PTBP3: variants seen among roughly 807,000 people sequenced by gnomAD.
PTBP3 encodes the protein polypyrimidine tract binding protein 3.
In PTBP3, 20 loss-of-function variants were observed where a neutral mutation model predicts 58.7. The ratio of observed to expected loss-of-function variants is 0.34; its 90% CI spans 0.24 to 0.50. The LOEUF is 0.50. Ranked by LOEUF, PTBP3 falls within the 20% of genes least tolerant of loss-of-function variation. PTBP3 has a pLI of 0.98. For missense variants in PTBP3, 509 were observed against 637.2 expected (o/e 0.80, Z 2.17); for synonymous variants, 185 against 219.8 (o/e 0.84, Z 1.40).
At chr9:112,274,388 A>G (rs1199384523) in intron 3 of PTBP3, among the ~76,000 whole-genome samples, 1 of 152,242 alleles carries the variant, frequency 6.6e-6, no homozygotes, top group Admixed American at 6.5e-5. Context: ...ATGTACTACA[A>G]AATACCTAGG....
At chr9:112,302,458 C>T (rs1016002314) in intron 1 of PTBP3, among the ~76,000 whole-genome samples, 4 of 151,892 alleles carry the variant, frequency 2.6e-5, no homozygotes, top group Non-Finnish European at 5.9e-5. Context: ...AAGAAATGTA[C>T]AGGAAAGCAC....
chr9:112,234,652 A>T (rs1256335553), intron 8 of PTBP3, among the ~76,000 whole-genome samples, 168 bp downstream of exon 8: 1 of 152,230 alleles, frequency 6.6e-6, no homozygotes, highest in Non-Finnish European at 1.5e-5. Flanking sequence ...ATAATTTGTA[A>T]ATAACAAGGA....
chr9:112,305,659 A>G (rs4979098), intron 1 of PTBP3, among the ~76,000 whole-genome samples: 129,204 of 152,180 alleles, frequency 0.85, 55,276 homozygotes, highest in African/African-American at 0.95. Context: ...AAGAGCTTTC[A>G]GCCGGGCACG....
chr9:112,304,610 C>T (rs1295531849), intron 1 of PTBP3, among the ~76,000 whole-genome samples: 2 of 152,144 alleles, frequency 1.3e-5, no homozygotes, highest in Non-Finnish European at 2.9e-5. Flanking sequence ...TCTGTCACTC[C>T]GGCTGGACTG....
At chr9:112,314,296 A>C (rs573613504) in intron 1 of PTBP3, among the ~76,000 whole-genome samples, 2 of 152,372 alleles carry the variant, frequency 1.3e-5, no homozygotes, top group African/African-American at 4.8e-5. Context: ...TATTACTGAG[A>C]TAAAAATGTA....
At position 112,333,475 on chromosome 9, in the gene PTBP3, C is replaced by T. The variant is rs1830472658; in HGVS notation, c.-57G>A. ...CCGCGCCGCCTAGTACTTACCCATC[C>T]ATGGCCCAGATGGAGGCGCGCACAG... On this transcript the variant is annotated 5_prime_UTR_variant, in exon 1 of 14. An upstream start codon of the reference 5' UTR is lost. Coordinates refer to ENST00000374257, the MANE Select transcript of PTBP3 (RefSeq NM_001163788.4). 1.3e-6 allele frequency: 2 copies of T among 1,590,648 alleles called. No homozygotes were observed. The highest frequency in any genetic ancestry group is 1.1e-5 in the South Asian group (1 of 88,528).
chr9:112,302,334 G>C (rs191476075), intron 1 of PTBP3, among the ~76,000 whole-genome samples: 1 of 152,238 alleles, frequency 6.6e-6, no homozygotes, highest in African/African-American at 2.4e-5. Context: ...GCAGTATCTT[G>C]AAAGTCAAAC....
At position 112,222,688 on chromosome 9, in the gene PTBP3, C is replaced by T; in HGVS notation, c.*1163G>A. On this transcript the variant is annotated 3_prime_UTR_variant, in exon 14 of 14. Coordinates refer to ENST00000374257, the MANE Select transcript of PTBP3 (RefSeq NM_001163788.4). ...AATTGCAATGAAAAAAATTTTAAAT[C>T]CTTACCAAAACAGAGAAAGAAAAAA... 9.2e-6 allele frequency: 9 copies of T among 983,014 alleles called. No individual in the cohort carries two copies. Among genetic ancestry groups the T allele is most frequent in the Non-Finnish European group, 1.1e-5 (9 of 827,384 alleles). 60.9% of individuals were successfully genotyped at this position (983,014 alleles called of 1,614,324 possible).
At chr9:112,294,480 TG>T (rs1338979318) in intron 2 of PTBP3, among the ~76,000 whole-genome samples, 5 of 152,194 alleles carry the variant, frequency 3.3e-5, no homozygotes, top group African/African-American at 1.2e-4. Context: ...TTTGTGCCAC[TG>T]GACTCCAGGC....
chr9:112,300,406 CAAT>C (rs756640337), intron 1 of PTBP3, among the ~76,000 whole-genome samples: 16 of 152,212 alleles, frequency 1.1e-4, no homozygotes, highest in Admixed American at 4.6e-4. Context: ...GACTATACAA[CAAT>C]GAGAATGAAC....
the PTBP3 span, among the ~76,000 whole-genome samples, chr9:112,351,134 T>G: frequency 6.6e-6 from 1 of 152,196 alleles, no homozygotes; most frequent in Non-Finnish European, 1.5e-5. Flanking sequence ...TTTATTAAGA[T>G]TGGATTCATT....
In PTBP3 at chr9:112,219,912, T is replaced by C. The variant is rs1427181855; in HGVS notation, c.*3939A>G. ...TGCTCTGAAAAAAGACTGCTAATAG[T>C]CTTGTAGATAACAACACAACTCTTT... On this transcript the variant is annotated 3_prime_UTR_variant, in exon 14 of 14. Coordinates refer to ENST00000374257, the MANE Select transcript of PTBP3 (RefSeq NM_001163788.4). The C allele has an allele frequency of 7.9e-6, 2 of 251,874 alleles. No individual in the cohort carries two copies. The highest frequency in any genetic ancestry group is 1.3e-5 in the Non-Finnish European group (2 of 150,822). 15.6% of individuals were successfully genotyped at this position (251,874 alleles called of 1,614,324 possible).
At chr9:112,355,480 G>A in the PTBP3 span, among the ~76,000 whole-genome samples, 2 of 152,154 alleles carry the variant, frequency 1.3e-5, no homozygotes, top group African/African-American at 4.8e-5. Flanking sequence ...CTCATGCAAA[G>A]GAAGTTCAGA....
chr9:112,319,939 G>C (rs1472922179), intron 1 of PTBP3, among the ~76,000 whole-genome samples: 3 of 152,156 alleles, frequency 2.0e-5, no homozygotes, highest in Non-Finnish European at 4.4e-5. Flanking sequence ...GTCAAATGCT[G>C]CATGATCCCA....
At chr9:112,231,937 GAGA>G (rs1331823621) in intron 9 of PTBP3, among the ~76,000 whole-genome samples, 159 bp downstream of exon 9, 1 of 74,574 alleles carries the variant, frequency 1.3e-5, no homozygotes, top group Non-Finnish European at 2.7e-5. Flanking sequence ...GAGAAGAGAA[GAGA>G]AGAGAAGAGA....
At chr9:112,333,284 G>T (rs1041019474) in intron 1 of PTBP3, among the ~76,000 whole-genome samples, 186 bp downstream of exon 1, 1 of 152,058 alleles carries the variant, frequency 6.6e-6, no homozygotes. Context: ...TGCGGCGGAC[G>T]GCAACTCCGC....
chr9:112,247,710 C>T (rs1349193308), intron 7 of PTBP3, among the ~76,000 whole-genome samples: 2 of 152,078 alleles, frequency 1.3e-5, no homozygotes, highest in African/African-American at 2.4e-5. Flanking sequence ...GAAAGACTAT[C>T]TCAAAACAAA....
chr9:112,378,991 A>G, the PTBP3 span, among the ~76,000 whole-genome samples: 1 of 152,320 alleles, frequency 6.6e-6, no homozygotes, highest in East Asian at 1.9e-4. Flanking sequence ...GCTCGAGACC[A>G]GCCAGCCCAA....
intron 5 of PTBP3, among the ~76,000 whole-genome samples, 173 bp from the exon 6 acceptor site, chr9:112,252,961 A>T (rs1564407255): frequency 6.6e-6 from 1 of 152,244 alleles, no homozygotes; most frequent in Non-Finnish European, 1.5e-5. Flanking sequence ...TGACTATCTT[A>T]CAACAACGCC....
Sources: gnomAD v4.1 joint callset for allele counts (sites outside exome capture counted in the v4.1 genomes callset) on GRCh38, gnomAD v4.1.1 for gene constraint, MANE v1.5 for transcripts, NCBI Gene and HGNC (gene_info 2026-07-23, HGNC 2026-07-21) for gene names.